DIPK2B: variants seen among roughly 807,000 people sequenced by gnomAD.
DIPK2B encodes divergent protein kinase domain 2B.
Under a neutral mutation model 22.2 loss-of-function variants are expected in DIPK2B, and 15 were observed. The observed-to-expected ratio is 0.68, with a 90% CI of 0.45 to 1.04. DIPK2B has a LOEUF of 1.04. Ranked by LOEUF, DIPK2B falls within the 50% of genes least tolerant of loss-of-function variation. The probability of loss-of-function intolerance (pLI) is 0.00; values close to 1 mark genes in which losing one functional copy is unlikely to be tolerated. For missense variants in DIPK2B, 345 were observed against 348.3 expected (o/e 0.99, Z 0.08); for synonymous variants, 163 against 153.2 (o/e 1.06, Z -0.47).
chrX:45,182,913 G>A (rs1222451196), intron 2 of DIPK2B, among the ~76,000 whole-genome samples: 3 of 112,036 alleles, frequency 2.7e-5, no homozygotes, highest in East Asian at 2.8e-4. Flanking sequence ...TGAAAGCTGG[G>A]AGAGTCCTAA....
Position 45,151,412 on chromosome X carries a change from G to T in DIPK2B, c.*240C>A, listed in dbSNP as rs1200862777. ...AGAACAGAGGAAACTGAGGCTCAAA[G>T]ACATTGAGTGAGCGTCCACACCCAG... On this transcript the variant is annotated 3_prime_UTR_variant, in exon 5 of 5. Transcript: ENST00000398000. The T allele has an allele frequency of 2.4e-6, 1 of 417,459 alleles. No individual in the cohort carries two copies. Among genetic ancestry groups the T allele is most frequent in the Non-Finnish European group, 4.2e-6 (1 of 240,342 alleles). 34.4% of individuals were successfully genotyped at this position (417,459 alleles called of 1,213,427 possible).
intron 4 of DIPK2B, among the ~76,000 whole-genome samples, chrX:45,153,044 A>G (rs1002464778): frequency 1.8e-5 from 2 of 112,696 alleles, no homozygotes; most frequent in African/African-American, 6.4e-5. Flanking sequence ...CATGATTTAC[A>G]TATCCGGAAT....
chrX:45,157,694 G>A, intron 3 of DIPK2B, 21 bp downstream of exon 3: 1 of 1,172,169 alleles, frequency 8.5e-7, no homozygotes, highest in Non-Finnish European at 1.1e-6. Flanking sequence ...AACCTAGAGG[G>A]CTTGCCAGGT....
At chrX:45,188,394 G>A (rs1036995980) in intron 2 of DIPK2B, among the ~76,000 whole-genome samples, 1 of 111,842 alleles carries the variant, frequency 8.9e-6, no homozygotes, top group Non-Finnish European at 1.9e-5. Flanking sequence ...ACTAGTGAAA[G>A]CATCGCAATA....
chrX:45,174,432 C>T (rs951590696), intron 2 of DIPK2B, among the ~76,000 whole-genome samples: 6 of 111,380 alleles, frequency 5.4e-5, no homozygotes, highest in African/African-American at 2.0e-4. Flanking sequence ...ACATATATAC[C>T]ACAAAGTTCA....
intron 2 of DIPK2B, among the ~76,000 whole-genome samples, chrX:45,166,730 G>A (rs1167549571): frequency 1.8e-5 from 2 of 112,040 alleles, no homozygotes; most frequent in African/African-American, 6.5e-5. Flanking sequence ...GGAAACAAGT[G>A]TGTGAAAAAA....
intron 2 of DIPK2B, chrX:45,162,738 G>A (rs1490631432): frequency 1.3e-6 from 1 of 752,618 alleles, no homozygotes; most frequent in Non-Finnish European, 1.6e-6. Context: ...ACCAAACCCT[G>A]GACCTCTGTT....
chrX:45,176,245 C>T (rs974270208), intron 2 of DIPK2B, among the ~76,000 whole-genome samples: 3 of 109,187 alleles, frequency 2.7e-5, no homozygotes, highest in African/African-American at 1.0e-4. Flanking sequence ...GAACAATGAA[C>T]GTCAAGAATG....
intron 2 of DIPK2B, chrX:45,163,385 A>G: frequency 2.7e-6 from 2 of 752,319 alleles, no homozygotes; most frequent in Non-Finnish European, 3.1e-6. Context: ...CTGATACACT[A>G]GCTAAAGGAA....
chrX:45,199,606 C>T, intron 1 of DIPK2B, among the ~76,000 whole-genome samples: 1 of 111,545 alleles, frequency 9.0e-6, no homozygotes, highest in Non-Finnish European at 1.9e-5. Context: ...TACTTTTCAG[C>T]TCATCCTTTA....
chrX:45,170,616 A>G (rs1217921229), intron 2 of DIPK2B, among the ~76,000 whole-genome samples: 1 of 112,347 alleles, frequency 8.9e-6, no homozygotes, highest in African/African-American at 3.2e-5. Context: ...AGCACCTTGT[A>G]GAAAGTTCAT....
intron 2 of DIPK2B, among the ~76,000 whole-genome samples, chrX:45,167,495 C>CAAAAAA (rs1156692662): frequency 4.1e-5 from 1 of 24,660 alleles, no homozygotes; most frequent in African/African-American, 1.6e-4. Flanking sequence ...AAGACTGTCT[C>CAAAAAA]AAAAAAAAAA....
At position 45,191,765 on chromosome X, in the gene DIPK2B, G is replaced by A; in HGVS notation, c.484C>T (p.Pro162Ser). 3 of 1,211,160 alleles carry A rather than the reference G, an allele frequency of 2.5e-6. No homozygotes were observed. The highest frequency in any genetic ancestry group is 2.4e-4 in the Middle Eastern group (1 of 4,179). The change falls in exon 2 of 5, where the codon CCG becomes TCG. Residue 162 changes from proline to serine, a missense_variant. By Grantham distance (74) the Pro-to-Ser change is moderately conservative. Coordinates refer to ENST00000398000, the MANE Select transcript of DIPK2B (RefSeq NM_176819.4). ...TTCACACTCACCTGCACCAGGTCCGGCGTGAGGCGCTTGGCCTGCAGCCAT... is the reference window on the plus strand; with the variant it reads ...TTCACACTCACCTGCACCAGGTCCGACGTGAGGCGCTTGGCCTGCAGCCAT... ...QKWLQAKRLT[P>S]DLVQGLASPL...
At chrX:45,153,277 A>T (rs1223948187) in intron 4 of DIPK2B, among the ~76,000 whole-genome samples, 1 of 111,921 alleles carries the variant, frequency 8.9e-6, no homozygotes, top group African/African-American at 3.2e-5. Context: ...ATGAAACTTT[A>T]CACATAGTGA....
chrX:45,157,807 C>T lies in DIPK2B; in HGVS notation c.580G>A (p.Ala194Thr), dbSNP rs1047588819. The T allele has an allele frequency of 3.4e-6, 4 of 1,181,155 alleles. No individual in the cohort carries two copies. The highest frequency in any genetic ancestry group is 1.8e-5 in the African/African-American group (1 of 56,489). Residue 194 changes from alanine (A) to threonine (T), a missense_variant, in exon 3 of 5, where the codon GCC becomes ACC. Physicochemically the swap from Ala to Thr is moderately conservative, Grantham distance 58. Coordinates refer to ENST00000398000, the MANE Select transcript of DIPK2B (RefSeq NM_176819.4). Reference sequence around the variant, plus strand: ...AAGTGGTCCATGAAGATGCTGCCGGCGTCGGCCACCTCTGCATAGCGCCTG... The same window carrying T: ...AAGTGGTCCATGAAGATGCTGCCGGTGTCGGCCACCTCTGCATAGCGCCTG... ...VVRRYAEVAD[A>T]GSIFMDHFTD...
chrX:45,192,100 C>T, intron 1 of DIPK2B, 85 bp from the exon 2 acceptor site: 2 of 922,336 alleles, frequency 2.2e-6, no homozygotes, highest in Admixed American at 3.6e-5. Context: ...GGACAATAGC[C>T]CAACTGATCC....
In DIPK2B at chrX:45,150,419, G is replaced by T. The variant is rs1406745600; in HGVS notation, c.*1233C>A. On this transcript the variant is annotated 3_prime_UTR_variant, in exon 5 of 5. Transcript: ENST00000398000. The stretch of plus-strand genomic sequence containing the variant: ...GTTCTATTGGTTGACCTTGAAAAAA[G>T]TATTTTTCTGATGAGTGACCTGTAA... 1.8e-5 allele frequency: 2 copies of T among 111,994 alleles called. No individual in the cohort carries two copies. The highest frequency in any genetic ancestry group is 6.5e-5 in the African/African-American group (2 of 30,787). 9.2% of individuals were successfully genotyped at this position (111,994 alleles called of 1,213,427 possible). A position where few individuals can be genotyped will look rare whatever the true frequency, so the allele number is the denominator to read the frequency against.
chrX:45,178,945 C>T (rs1406036801), intron 2 of DIPK2B, among the ~76,000 whole-genome samples: 1 of 111,667 alleles, frequency 9.0e-6, no homozygotes, highest in East Asian at 2.8e-4. Flanking sequence ...AAGGATCATG[C>T]CTTATCAGCA....
intron 2 of DIPK2B, among the ~76,000 whole-genome samples, chrX:45,182,219 A>G (rs1603111792): frequency 8.9e-6 from 1 of 112,002 alleles, no homozygotes; most frequent in African/African-American, 3.2e-5. Flanking sequence ...AAGAAAGACA[A>G]TCCAGTAAAA....
Sources: allele counts gnomAD v4.1 joint callset (sites outside exome capture counted in the v4.1 genomes callset), GRCh38; gene constraint gnomAD v4.1.1; transcripts MANE v1.5; gene names NCBI Gene and HGNC (gene_info 2026-07-23, HGNC 2026-07-21).